The following AP4E1 variants were observed in gnomAD, a reference collection of about 807,000 sequenced individuals.
The protein encoded by AP4E1 is adaptor related protein complex 4 subunit epsilon 1.
AP4E1 carries 56 observed loss-of-function variants against 128.2 expected under a neutral mutation model. The ratio of observed to expected loss-of-function variants is 0.44; its 90% CI spans 0.35 to 0.55. AP4E1 has a LOEUF of 0.55. Among genes scored for constraint, AP4E1 ranks in the 20% least tolerant of loss-of-function variants. The probability of loss-of-function intolerance (pLI) is 0.00; values close to 1 mark genes in which losing one functional copy is unlikely to be tolerated. For synonymous variants in AP4E1, 484 were observed against 473.1 expected (o/e 1.02, Z -0.30); for missense variants, 1,324 against 1,307.7 (o/e 1.01, Z -0.19).
At chr15:50,920,163 G>T (rs1408768737) in intron 3 of AP4E1, among the ~76,000 whole-genome samples, 1 of 122,272 alleles carries the variant, frequency 8.2e-6, no homozygotes, top group Non-Finnish European at 1.6e-5. Flanking sequence ...GCCCAGGCCA[G>T]AGTGCAGTGG....
intron 16 of AP4E1, 34 bp downstream of exon 16, chr15:50,984,179 G>T: frequency 6.2e-7 from 1 of 1,610,792 alleles, no homozygotes; most frequent in Non-Finnish European, 8.5e-7. Context: ...TGAGGTTATG[G>T]GAGTGCTTAA....
intron 16 of AP4E1, among the ~76,000 whole-genome samples, chr15:50,988,089 A>G (rs2064753561): frequency 6.6e-6 from 1 of 152,164 alleles, no homozygotes; most frequent in Admixed American, 6.5e-5. Context: ...ATTGATAGAT[A>G]TAGAGGTGAA....
intron 6 of AP4E1, 139 bp from the exon 7 acceptor site, chr15:50,930,666 A>G: frequency 1.2e-6 from 1 of 847,618 alleles, no homozygotes; most frequent in Non-Finnish European, 1.9e-6. Flanking sequence ...AAGATATTAT[A>G]CATATTAGAG....
chr15:50,930,783 T>A, intron 6 of AP4E1, 22 bp from the exon 7 acceptor site: 1 of 1,611,362 alleles, frequency 6.2e-7, no homozygotes. Flanking sequence ...ATTAACAAAG[T>A]TTTTTTTGCG....
At chr15:50,977,606 A>G (rs181349912) in intron 15 of AP4E1, among the ~76,000 whole-genome samples, 1 of 152,072 alleles carries the variant, frequency 6.6e-6, no homozygotes, top group Non-Finnish European at 1.5e-5. Context: ...TATATCTTAG[A>G]AATGGGGTTG....
chr15:50,991,907 A>G (rs1282127043), intron 16 of AP4E1, among the ~76,000 whole-genome samples: 2 of 150,452 alleles, frequency 1.3e-5, no homozygotes, highest in African/African-American at 4.9e-5. Flanking sequence ...TAAAAATGCC[A>G]TTTTGGACCA....
chr15:51,002,660 T>C lies in AP4E1; in HGVS notation c.3412T>C (p.Ter1138GlnextTer5). 5 of 1,614,064 alleles carry C rather than the reference T, an allele frequency of 3.1e-6. No individual in the cohort carries two copies. The highest frequency in any genetic ancestry group is 4.2e-6 in the Non-Finnish European group (5 of 1,179,948). ...YQCQKVMEGS[*>Q] is the part of the protein sequence containing the mutation. ...GTGTCAAAAGGTGATGGAGGGATCC[T>C]AGCAGAAGCCCTGCTAAATTTTACT... is the stretch of plus-strand genomic sequence containing the variant. Residue 1138 changes from the stop codon to glutamine (Q), a stop_lost, in exon 21 of 21, where the codon TAG becomes CAG. Coordinates refer to ENST00000261842, the MANE Select transcript of AP4E1 (RefSeq NM_007347.5).
At chr15:51,000,425 G>A (rs1467015012) in intron 19 of AP4E1, among the ~76,000 whole-genome samples, 1 of 152,136 alleles carries the variant, frequency 6.6e-6, no homozygotes, top group Non-Finnish European at 1.5e-5. Flanking sequence ...AGGGACGAGG[G>A]CTACCATGCC....
chr15:50,924,885 C>G (rs954216692), intron 4 of AP4E1, among the ~76,000 whole-genome samples: 1 of 152,028 alleles, frequency 6.6e-6, no homozygotes, highest in Non-Finnish European at 1.5e-5. Context: ...CCTCTTCTAT[C>G]AGTTGCTTTT....
intron 2 of AP4E1, among the ~76,000 whole-genome samples, chr15:50,912,448 T>C (rs1385867813): frequency 1.3e-5 from 2 of 152,204 alleles, no homozygotes; most frequent in Non-Finnish European, 2.9e-5. Context: ...TTGGAAAAGG[T>C]TGGGATTTCA....
In AP4E1 at chr15:51,003,143, T is replaced by A. The variant is rs2064984698; in HGVS notation, c.*481T>A. ...GGGAAGTCAATATTTTCGATTATGTTTTGCTTAGATCAGTGTTGAACTAAG... is the reference window on the plus strand; with the variant it reads ...GGGAAGTCAATATTTTCGATTATGTATTGCTTAGATCAGTGTTGAACTAAG... On this transcript the variant is annotated 3_prime_UTR_variant, in exon 21 of 21. Transcript: ENST00000261842. The A allele has an allele frequency of 5.2e-6, 1 of 193,506 alleles. No homozygotes were observed. Among genetic ancestry groups the A allele is most frequent in the African/African-American group, 2.4e-5 (1 of 41,962 alleles). 12.0% of individuals were successfully genotyped at this position (193,506 alleles called of 1,614,324 possible).
intron 15 of AP4E1, among the ~76,000 whole-genome samples, 166 bp downstream of exon 15, chr15:50,968,543 A>G (rs954367226): frequency 2.0e-5 from 3 of 152,210 alleles, no homozygotes; most frequent in Non-Finnish European, 2.9e-5. Flanking sequence ...CAGAGGAAAA[A>G]AAAAAGTTAG....
At chr15:50,971,357 T>C (rs568778894) in intron 15 of AP4E1, among the ~76,000 whole-genome samples, 10 of 152,344 alleles carry the variant, frequency 6.6e-5, no homozygotes, top group African/African-American at 2.4e-4. Flanking sequence ...TTGATGCTTT[T>C]CTCTTGCTGC....
At chr15:50,999,012 C>A in intron 18 of AP4E1, 60 bp from the exon 19 acceptor site, 1 of 1,475,312 alleles carries the variant, frequency 6.8e-7, no homozygotes, top group Non-Finnish European at 9.5e-7. Flanking sequence ...AATTGGTAGT[C>A]ATGTAATAGT....
At chr15:51,001,557 T>C (rs946244065) in intron 20 of AP4E1, among the ~76,000 whole-genome samples, 12 of 152,202 alleles carry the variant, frequency 7.9e-5, no homozygotes, top group African/African-American at 2.9e-4. Context: ...ATTTTACCTC[T>C]TGTCTCTATG....
At chr15:50,972,809 G>A (rs930610577) in intron 15 of AP4E1, among the ~76,000 whole-genome samples, 1 of 152,170 alleles carries the variant, frequency 6.6e-6, no homozygotes, top group Non-Finnish European at 1.5e-5. Context: ...CTCATGATGT[G>A]GGTGCAAGGC....
In AP4E1 at chr15:50,941,721, C is replaced by A. The variant is rs1251664931; in HGVS notation, c.1122C>A (p.His374Gln). The change falls in exon 10 of 21, where the codon CAC becomes CAA. Residue 374 changes from histidine to glutamine, a missense_variant. His to Gln is a conservative substitution (Grantham distance 24, BLOSUM62 0). Transcript: ENST00000261842. ...AGGATCCTACTCTGGCTCTTCAACA[C>A]CAGATGACAATAATTGAATGTTTAG... ...IQQDPTLALQ[H>Q]QMTIIECLDH... 6.2e-7 allele frequency: 1 copy of A among 1,613,270 alleles called. No homozygotes were observed.
chr15:50,938,047 T>TC (rs2063931142), intron 8 of AP4E1, among the ~76,000 whole-genome samples: 1 of 152,152 alleles, frequency 6.6e-6, no homozygotes, highest in Non-Finnish European at 1.5e-5. Flanking sequence ...CCGTTTTTTT[T>TC]CTCACTAATT....
Position 50,923,934 on chromosome 15 carries a change from A to T in AP4E1, c.350A>T (p.Tyr117Phe). Residue 117 changes from tyrosine (Y) to phenylalanine (F), a missense_variant, in exon 4 of 21, where the codon TAT becomes TTT. Coordinates refer to ENST00000261842, the MANE Select transcript of AP4E1 (RefSeq NM_007347.5). Reference protein sequence around the residue: ...QGNLLEKRVGYLAVSLFLHES... With the variant: ...QGNLLEKRVGFLAVSLFLHES... ...ACTTTTCCCTCAACTTTTATAGGTT[A>T]TTTGGCTGTTTCCTTATTTCTACAT... The T allele has an allele frequency of 6.2e-7, 1 of 1,610,928 alleles. No individual in the cohort carries two copies. The highest frequency in any genetic ancestry group is 8.5e-7 in the Non-Finnish European group (1 of 1,177,612).
Sources: allele counts gnomAD v4.1 joint callset (sites outside exome capture counted in the v4.1 genomes callset), GRCh38; gene constraint gnomAD v4.1.1; transcripts MANE v1.5; gene names NCBI Gene and HGNC (gene_info 2026-07-23, HGNC 2026-07-21).